Variants in GNAQ observed in about 807,000 individuals in gnomAD.
GNAQ encodes the protein G protein subunit alpha q, also known as guanine nucleotide-binding protein G(q) subunit alpha.
GNAQ carries 8 observed loss-of-function variants against 43.9 expected under a neutral mutation model. That is an observed-to-expected ratio of 0.18 (90% CI 0.11 to 0.33). The LOEUF is 0.33. Among genes scored for constraint, GNAQ ranks in the 10% least tolerant of loss-of-function variants. The pLI, the probability that GNAQ is intolerant of heterozygous loss-of-function variation, is 1.00. For missense variants in GNAQ, 158 were observed against 450.8 expected (o/e 0.35, Z 5.88); for synonymous variants, 155 against 170.7 (o/e 0.91, Z 0.71).
chr9:77,793,608 C>G (rs970338858), intron 5 of GNAQ, among the ~76,000 whole-genome samples: 1 of 151,968 alleles, frequency 6.6e-6, no homozygotes, highest in African/African-American at 2.4e-5. Context: ...TTTTGCTACC[C>G]TATTATTGGG....
intron 1 of GNAQ, among the ~76,000 whole-genome samples, chr9:77,961,968 AAG>A (rs1823111897): frequency 6.6e-6 from 1 of 152,224 alleles, no homozygotes; most frequent in African/African-American, 2.4e-5. Flanking sequence ...ACATGAAGAA[AAG>A]AGAAAGGAAT....
chr9:77,864,716 C>T (rs993954613), intron 2 of GNAQ, among the ~76,000 whole-genome samples: 1 of 152,234 alleles, frequency 6.6e-6, no homozygotes, highest in African/African-American at 2.4e-5. Flanking sequence ...GTTCATACTT[C>T]TGACCTCCAG....
intron 2 of GNAQ, among the ~76,000 whole-genome samples, chr9:77,887,941 A>T (rs1431290829): frequency 6.6e-6 from 1 of 152,324 alleles, no homozygotes; most frequent in East Asian, 1.9e-4. Context: ...ATTATTCTAG[A>T]TCAGTAGTTC....
intron 1 of GNAQ, among the ~76,000 whole-genome samples, chr9:78,024,617 T>C (rs1247609226): frequency 3.3e-5 from 5 of 152,002 alleles, no homozygotes; most frequent in African/African-American, 1.2e-4. Context: ...GAAAACCCAA[T>C]AGAAAAGCCA....
chr9:77,770,556 G>A (rs567376029), intron 5 of GNAQ, among the ~76,000 whole-genome samples: 1 of 152,164 alleles, frequency 6.6e-6, no homozygotes, highest in Non-Finnish European at 1.5e-5. Context: ...CTTTCCCTTC[G>A]GAAGCAGCTC....
chr9:77,725,142 G>A (rs1463146238), intron 6 of GNAQ, among the ~76,000 whole-genome samples: 1 of 151,462 alleles, frequency 6.6e-6, no homozygotes, highest in African/African-American at 2.4e-5. Flanking sequence ...GTTCACTGAA[G>A]TGTACTTGAA....
At chr9:77,850,394 A>G (rs1827655190) in intron 2 of GNAQ, among the ~76,000 whole-genome samples, 1 of 150,758 alleles carries the variant, frequency 6.6e-6, no homozygotes, top group East Asian at 2.0e-4. Context: ...CTACACCTCC[A>G]CCTCTACTGC....
chr9:77,773,300 G>A (rs1245193954), intron 5 of GNAQ, among the ~76,000 whole-genome samples: 1 of 152,182 alleles, frequency 6.6e-6, no homozygotes, highest in Non-Finnish European at 1.5e-5. Context: ...AGCCATAGAT[G>A]ATAATGTTTC....
At chr9:77,723,815 G>A (rs1825356364) in intron 6 of GNAQ, among the ~76,000 whole-genome samples, 1 of 152,114 alleles carries the variant, frequency 6.6e-6, no homozygotes, top group African/African-American at 2.4e-5. Context: ...TGCTTAATTG[G>A]GGTGGTGAAA....
At chr9:77,787,208 T>C (rs1826494975) in intron 5 of GNAQ, among the ~76,000 whole-genome samples, 2 of 152,194 alleles carry the variant, frequency 1.3e-5, no homozygotes, top group South Asian at 2.1e-4. Flanking sequence ...CAATGGTATT[T>C]AGGGAAGCAT....
chr9:77,849,148 CT>C (rs946455920), intron 2 of GNAQ, among the ~76,000 whole-genome samples: 6 of 152,138 alleles, frequency 3.9e-5, no homozygotes, highest in African/African-American at 1.4e-4. Flanking sequence ...ACAGCACCCC[CT>C]GCTCCAGCCG....
At chr9:77,974,969 G>A (rs956810512) in intron 1 of GNAQ, among the ~76,000 whole-genome samples, 1 of 152,198 alleles carries the variant, frequency 6.6e-6, no homozygotes, top group African/African-American at 2.4e-5. Context: ...GTGGATCACT[G>A]TGAAGTCTTA....
intron 2 of GNAQ, among the ~76,000 whole-genome samples, chr9:77,816,626 C>T (rs115052091): frequency 0.014 from 2,150 of 152,174 alleles, 46 homozygotes; most frequent in African/African-American, 0.044. Flanking sequence ...TATATATACA[C>T]ACACAAAGTA....
chr9:77,809,675 C>T (rs1306089317), intron 3 of GNAQ, among the ~76,000 whole-genome samples: 1 of 152,208 alleles, frequency 6.6e-6, no homozygotes, highest in Non-Finnish European at 1.5e-5. Flanking sequence ...GTATCCACAA[C>T]TGCTTATCCA....
intron 2 of GNAQ, among the ~76,000 whole-genome samples, chr9:77,918,892 C>G (rs1389934814): frequency 1.3e-5 from 2 of 152,282 alleles, no homozygotes; most frequent in Middle Eastern, 3.4e-3. Flanking sequence ...TTAGGGCAGA[C>G]GAGGAGACTC....
chr9:78,016,948 G>A (rs1373617835), intron 1 of GNAQ, among the ~76,000 whole-genome samples: 2 of 151,988 alleles, frequency 1.3e-5, no homozygotes, highest in African/African-American at 2.4e-5. Flanking sequence ...TATGTGTTGT[G>A]TTACGTTACG....
intron 3 of GNAQ, among the ~76,000 whole-genome samples, chr9:77,802,012 C>T (rs953315567): frequency 2.6e-5 from 4 of 151,996 alleles, no homozygotes; most frequent in Admixed American, 2.6e-4. Context: ...ACTAAAAATA[C>T]AAAAATTAAC....
intron 1 of GNAQ, among the ~76,000 whole-genome samples, chr9:77,963,945 A>C (rs1823135685): frequency 6.6e-6 from 1 of 152,190 alleles, no homozygotes; most frequent in Non-Finnish European, 1.5e-5. Flanking sequence ...TAATAATGTA[A>C]AAAAGACTGC....
At chr9:77,755,643 A>C (rs930553503) in intron 5 of GNAQ, among the ~76,000 whole-genome samples, 1 of 152,140 alleles carries the variant, frequency 6.6e-6, no homozygotes, top group Non-Finnish European at 1.5e-5. Flanking sequence ...GTGACATAAG[A>C]TTTATTGACT....
Sources: gnomAD v4.1 joint callset for allele counts (sites outside exome capture counted in the v4.1 genomes callset) on GRCh38, gnomAD v4.1.1 for gene constraint, MANE v1.5 for transcripts, NCBI Gene and HGNC (gene_info 2026-07-23, HGNC 2026-07-21) for gene names.